SYN3: variants seen among roughly 807,000 people sequenced by gnomAD.
SYN3 encodes the protein synapsin III, also known as synapsin-3.
In SYN3, 35 loss-of-function variants were observed where a neutral mutation model predicts 65.8. The ratio of observed to expected loss-of-function variants is 0.53; its 90% CI spans 0.41 to 0.70. SYN3 has a LOEUF of 0.70. SYN3 is among the 30% of genes least tolerant of loss of function. The pLI, the probability that SYN3 is intolerant of heterozygous loss-of-function variation, is 0.00. For synonymous variants in SYN3, 270 were observed against 292.9 expected, an observed-to-expected ratio of 0.92 and a Z score of 0.80; for missense variants, 680 against 749.0, an observed-to-expected ratio of 0.91 and a Z score of 1.08.
chr22:32,829,931 C>T (rs1425704995), intron 6 of SYN3, among the ~76,000 whole-genome samples: 1 of 152,202 alleles, frequency 6.6e-6, no homozygotes, highest in Non-Finnish European at 1.5e-5. Flanking sequence ...AGTGACGCCT[C>T]CTCTTCCTGC....
At chr22:32,975,068 T>C (rs1601821695) in intron 3 of SYN3, among the ~76,000 whole-genome samples, 1 of 152,084 alleles carries the variant, frequency 6.6e-6, no homozygotes, top group Admixed American at 6.5e-5. Flanking sequence ...GTTTTTCTCA[T>C]GTGATGTTAA....
At chr22:32,559,291 G>T (rs2058549383) in intron 7 of SYN3, among the ~76,000 whole-genome samples, 1 of 152,172 alleles carries the variant, frequency 6.6e-6, no homozygotes, top group Non-Finnish European at 1.5e-5. Context: ...ACACCAAGGA[G>T]ACAATGGCAG....
intron 7 of SYN3, among the ~76,000 whole-genome samples, chr22:32,577,244 G>A (rs2058864958): frequency 6.6e-6 from 1 of 152,202 alleles, no homozygotes; most frequent in African/African-American, 2.4e-5. Flanking sequence ...AGGTCCTGCT[G>A]TGTTGGACAG....
At chr22:32,553,618 TA>T (rs135485) in intron 7 of SYN3, among the ~76,000 whole-genome samples, 50,841 of 152,084 alleles carry the variant, frequency 0.33, 8,789 homozygotes, top group East Asian at 0.58. Context: ...CTCACCCATG[TA>T]TTATATAACA....
chr22:32,669,244 A>C (rs1464094462), intron 6 of SYN3, among the ~76,000 whole-genome samples: 2 of 152,078 alleles, frequency 1.3e-5, no homozygotes, highest in Non-Finnish European at 2.9e-5. Context: ...GTCAGGAGAT[A>C]TTTTTCTCTA....
chr22:32,947,956 G>A (rs2051163736), intron 3 of SYN3, among the ~76,000 whole-genome samples: 1 of 152,186 alleles, frequency 6.6e-6, no homozygotes, highest in Non-Finnish European at 1.5e-5. Flanking sequence ...CAGGTTACTG[G>A]CAGAAGTCAG....
chr22:32,989,672 C>T (rs241722), intron 2 of SYN3, among the ~76,000 whole-genome samples: 95,298 of 151,360 alleles, frequency 0.63, 30,351 homozygotes, highest in East Asian at 0.78. Context: ...CCGTGTCTAC[C>T]AAAAATACAA....
At chr22:33,041,715 C>T (rs1172881662) in intron 1 of SYN3, among the ~76,000 whole-genome samples, 1 of 152,184 alleles carries the variant, frequency 6.6e-6, no homozygotes, top group Non-Finnish European at 1.5e-5. Context: ...TCTGCACATG[C>T]TGTGTCTGCT....
intron 7 of SYN3, among the ~76,000 whole-genome samples, chr22:32,563,674 A>G (rs950320772): frequency 6.6e-6 from 1 of 151,990 alleles, no homozygotes; most frequent in Non-Finnish European, 1.5e-5. Context: ...GAGCCCTGCT[A>G]GTTTTTTTGT....
intron 6 of SYN3, among the ~76,000 whole-genome samples, chr22:32,715,508 C>T (rs897710657): frequency 1.3e-5 from 2 of 152,220 alleles, no homozygotes; most frequent in East Asian, 1.9e-4. Flanking sequence ...TGGCTGGGCG[C>T]GGTGGCTCAC....
intron 6 of SYN3, among the ~76,000 whole-genome samples, chr22:32,775,947 A>T (rs924328020): frequency 6.6e-6 from 1 of 152,196 alleles, no homozygotes; most frequent in African/African-American, 2.4e-5. Flanking sequence ...AGGTTTGCTT[A>T]TGTGATTAAA....
At chr22:32,831,435 AGATG>A (rs979995152) in intron 6 of SYN3, among the ~76,000 whole-genome samples, 2 of 152,154 alleles carry the variant, frequency 1.3e-5, no homozygotes, top group African/African-American at 4.8e-5. Flanking sequence ...CTTCAAAGCC[AGATG>A]ATCAGGGCAG....
rs150390281 is a variant in SYN3, at chr22:32,825,170, C to T, written c.711+39745G>A. Among the ~76,000 whole-genome samples, 10 of 152,184 alleles carry T rather than the reference C, an allele frequency of 6.6e-5. 1 individual carries two copies. The East Asian group carries it at 1.9e-3, about 29-fold the overall frequency. The stretch of plus-strand genomic sequence containing the variant: ...AGGACTTGGGGGAGGGATGGGTGAG[C>T]TCGTGGGAACTGAGAAACTGTGTCT... On this transcript the variant is annotated intron_variant, in intron 6 of 13. Transcript: ENST00000358763.
At chr22:33,010,789 A>T (rs1029505960) in intron 1 of SYN3, among the ~76,000 whole-genome samples, 3 of 152,134 alleles carry the variant, frequency 2.0e-5, no homozygotes, top group Non-Finnish European at 2.9e-5. Flanking sequence ...CTACTCAGAA[A>T]TTTTTTTGTG....
intron 12 of SYN3, chr22:32,519,723 G>A (rs2057844430): frequency 6.6e-6 from 1 of 152,188 alleles, no homozygotes; most frequent in African/African-American, 2.4e-5. Context: ...GGGTGTCAGG[G>A]CTGTTGATGG....
intron 6 of SYN3, among the ~76,000 whole-genome samples, chr22:32,604,076 A>C (rs1024248539): frequency 6.6e-6 from 1 of 152,226 alleles, no homozygotes; most frequent in Non-Finnish European, 1.5e-5. Flanking sequence ...CCGCATCCTC[A>C]ATCCACAGAG....
chr22:32,947,793 A>C (rs548202482), intron 3 of SYN3, among the ~76,000 whole-genome samples: 1 of 152,302 alleles, frequency 6.6e-6, no homozygotes, highest in Non-Finnish European at 1.5e-5. Flanking sequence ...CCTTCAAACA[A>C]CACAAACTTA....
intron 13 of SYN3, among the ~76,000 whole-genome samples, chr22:32,516,315 G>A (rs2057773557): frequency 6.6e-6 from 1 of 151,894 alleles, no homozygotes; most frequent in African/African-American, 2.4e-5. Context: ...TGAGAATGGG[G>A]CGGGAACGAG....
intron 7 of SYN3, among the ~76,000 whole-genome samples, chr22:32,542,599 T>C (rs1409243422): frequency 6.7e-6 from 1 of 150,102 alleles, no homozygotes; most frequent in Non-Finnish European, 1.5e-5. Flanking sequence ...GTACATGTGG[T>C]ATATAGTATG....
Sources: gnomAD v4.1 joint callset for allele counts (sites outside exome capture counted in the v4.1 genomes callset) on GRCh38, gnomAD v4.1.1 for gene constraint, MANE v1.5 for transcripts, NCBI Gene and HGNC (gene_info 2026-07-23, HGNC 2026-07-21) for gene names.